The following ORC4 variants were observed in gnomAD, a reference collection of about 807,000 sequenced individuals.
The protein encoded by ORC4 is origin recognition complex subunit 4, also known as origin recognition complex, subunit 4 homolog.
A neutral mutation model predicts 63.9 loss-of-function variants in ORC4; 55 were observed. The ratio of observed to expected loss-of-function variants is 0.86; its 90% CI spans 0.69 to 1.08. The LOEUF is 1.08. Among genes scored for constraint, ORC4 ranks in the 50% least tolerant of loss-of-function variants. ORC4 has a pLI of 0.00. For synonymous variants in ORC4, 150 were observed against 168.5 expected, an observed-to-expected ratio of 0.89 and a Z score of 0.85; for missense variants, 511 against 504.4, an observed-to-expected ratio of 1.01 and a Z score of -0.13.
At chr2:147,966,164 CAA>C (rs1689880918) in intron 4 of ORC4, among the ~76,000 whole-genome samples, 1 of 151,802 alleles carries the variant, frequency 6.6e-6, no homozygotes, top group African/African-American at 2.4e-5. Context: ...TTCCTAGAAA[CAA>C]AAGAAAATAG....
chr2:147,978,887 A>G (rs1171235463), intron 1 of ORC4, among the ~76,000 whole-genome samples: 2 of 152,202 alleles, frequency 1.3e-5, no homozygotes, highest in African/African-American at 4.8e-5. Flanking sequence ...GATACAGAAA[A>G]AGCTTCTAAC....
chr2:147,958,213 A>G, intron 6 of ORC4, 85 bp downstream of exon 6: 2 of 847,178 alleles, frequency 2.4e-6, no homozygotes, highest in Non-Finnish European at 1.9e-6. Context: ...ACCTCTCCCT[A>G]CCCTTCCAGA....
intron 1 of ORC4, among the ~76,000 whole-genome samples, chr2:147,984,077 T>C (rs973356237): frequency 3.9e-5 from 6 of 152,210 alleles, no homozygotes; most frequent in African/African-American, 1.4e-4. Flanking sequence ...AAGCAAATGG[T>C]TGAGGAAGGG....
chr2:147,992,694 T>C (rs1691695135), intron 1 of ORC4, among the ~76,000 whole-genome samples: 2 of 152,216 alleles, frequency 1.3e-5, no homozygotes, highest in Non-Finnish European at 2.9e-5. Flanking sequence ...TAAATGTAAG[T>C]ATGATACTGC....
intron 4 of ORC4, among the ~76,000 whole-genome samples, chr2:147,971,564 T>C (rs1319608398): frequency 6.6e-6 from 1 of 151,920 alleles, no homozygotes; most frequent in Non-Finnish European, 1.5e-5. Flanking sequence ...GACACCAATA[T>C]ATACCTATTA....
chr2:147,981,185 C>A (rs1284674758), intron 1 of ORC4, among the ~76,000 whole-genome samples: 3 of 152,136 alleles, frequency 2.0e-5, no homozygotes, highest in Non-Finnish European at 4.4e-5. Flanking sequence ...AGATGAATTC[C>A]AAGGCGCCCC....
chr2:147,988,754 G>A (rs1691381693), intron 1 of ORC4, among the ~76,000 whole-genome samples: 2 of 149,436 alleles, frequency 1.3e-5, no homozygotes, highest in Non-Finnish European at 1.5e-5. Context: ...ATGGCTGCCT[G>A]TCAACAGCAT....
intron 1 of ORC4, among the ~76,000 whole-genome samples, chr2:147,990,263 G>C (rs1488640470): frequency 6.6e-6 from 1 of 152,182 alleles, no homozygotes; most frequent in African/African-American, 2.4e-5. Context: ...AACGTAAAAT[G>C]AAAGGTATTT....
chr2:147,978,271 G>T (rs1281862827), intron 1 of ORC4, among the ~76,000 whole-genome samples: 1 of 152,190 alleles, frequency 6.6e-6, no homozygotes, highest in Non-Finnish European at 1.5e-5. Flanking sequence ...TTCTGTGCAG[G>T]ATTTCTGTAA....
intron 1 of ORC4, among the ~76,000 whole-genome samples, chr2:148,010,762 AAAG>A (rs1692914309): frequency 6.6e-6 from 1 of 152,072 alleles, no homozygotes. Flanking sequence ...CCAAACATTT[AAAG>A]AAGAACTAAC....
chr2:147,952,480 A>G lies in ORC4; in HGVS notation c.481T>C (p.Phe161Leu), dbSNP rs765288498. 1.9e-6 allele frequency: 3 copies of G among 1,611,898 alleles called. No homozygotes were observed. In the South Asian group the frequency reaches 3.3e-5, roughly 18 times the overall value. Residue 161 changes from phenylalanine (F) to leucine (L), a missense_variant, in exon 8 of 14, where the codon TTT (phenylalanine) becomes CTT (leucine). Phe to Leu is a conservative substitution (Grantham distance 22, BLOSUM62 0). Coordinates refer to ENST00000392857, the MANE Select transcript of ORC4 (RefSeq NM_181741.4). ...SCPVIFILDE[F>L]DLFAHHKNQT... ...TTTTTATGATGAGCAAAAAGATCAA[A>G]TTCATCTAATATGAAGATCACTGGG...
chr2:148,013,156 A>T (rs1020041042), intron 1 of ORC4, among the ~76,000 whole-genome samples: 2 of 152,196 alleles, frequency 1.3e-5, no homozygotes, highest in Admixed American at 6.5e-5. Context: ...AGCACTATAC[A>T]CAATAGCCAG....
chr2:147,949,248 C>T (rs1470747651), intron 8 of ORC4, among the ~76,000 whole-genome samples: 1 of 151,766 alleles, frequency 6.6e-6, no homozygotes, highest in Non-Finnish European at 1.5e-5. Flanking sequence ...GGTATATCTA[C>T]ACAACAGAAT....
At chr2:148,002,888 A>C (rs1431318080) in intron 1 of ORC4, among the ~76,000 whole-genome samples, 1 of 152,168 alleles carries the variant, frequency 6.6e-6, no homozygotes, top group Non-Finnish European at 1.5e-5. Context: ...AAGAAAAGAG[A>C]GAAGAATCAA....
intron 1 of ORC4, among the ~76,000 whole-genome samples, chr2:147,979,151 T>C (rs763965304): frequency 6.6e-5 from 10 of 151,806 alleles, no homozygotes; most frequent in Non-Finnish European, 1.5e-4. Context: ...GGCATCCAAA[T>C]CAAAAAAGAG....
At chr2:147,995,931 C>T (rs1241471164) in intron 1 of ORC4, among the ~76,000 whole-genome samples, 1 of 150,854 alleles carries the variant, frequency 6.6e-6, no homozygotes, top group Non-Finnish European at 1.5e-5. Flanking sequence ...ACCCAGGAGG[C>T]AGAGGTTGCA....
At chr2:147,943,381 T>A (rs1290179401) in intron 10 of ORC4, 55 bp downstream of exon 10, 7 of 1,175,370 alleles carry the variant, frequency 6.0e-6, no homozygotes, top group Non-Finnish European at 8.9e-6. Context: ...TGAGACCCCG[T>A]CACTATTAAA....
chr2:147,978,377 G>A (rs940365608), intron 1 of ORC4, among the ~76,000 whole-genome samples: 1 of 152,218 alleles, frequency 6.6e-6, no homozygotes, highest in Non-Finnish European at 1.5e-5. Flanking sequence ...GGCACAGACA[G>A]GTGAGTCTCC....
chr2:148,008,852 T>C lies in ORC4; in HGVS notation c.-18+11781A>G, dbSNP rs913954268. On this transcript the variant is annotated intron_variant, in intron 1 of 13. Coordinates refer to ENST00000392857, the MANE Select transcript of ORC4 (RefSeq NM_181741.4). ...CCATCTGTAAGGGTGCACCCTTCTA[T>C]ATAGAAGTAGCTTGCCTTGCTGAAT... Among the ~76,000 whole-genome samples the C allele has an allele frequency of 2.0e-5, 3 of 152,180 alleles. No homozygotes were observed. In the East Asian group the frequency reaches 5.8e-4, roughly 29 times the overall value.
Sources: allele counts gnomAD v4.1 joint callset (sites outside exome capture counted in the v4.1 genomes callset), GRCh38; gene constraint gnomAD v4.1.1; transcripts MANE v1.5; gene names NCBI Gene and HGNC (gene_info 2026-07-23, HGNC 2026-07-21).